Variants in SLC44A5 observed in about 807,000 individuals in gnomAD.
The protein encoded by SLC44A5 is choline transporter-like protein 5.
Under a neutral mutation model 101.8 loss-of-function variants are expected in SLC44A5, and 57 were observed. The ratio of observed to expected loss-of-function variants is 0.56; its 90% CI spans 0.45 to 0.70. The LOEUF is 0.70. Ranked by LOEUF, SLC44A5 falls within the 30% of genes least tolerant of loss-of-function variation. The probability of loss-of-function intolerance (pLI) is 0.00; values close to 1 mark genes in which losing one functional copy is unlikely to be tolerated. For missense variants in SLC44A5, 737 were observed against 853.1 expected, an observed-to-expected ratio of 0.86 and a Z score of 1.70; for synonymous variants, 281 against 290.9, an observed-to-expected ratio of 0.97 and a Z score of 0.35.
At chr1:75,233,943 G>A in intron 12 of SLC44A5, 43 bp downstream of exon 12, 1 of 1,370,286 alleles carries the variant, frequency 7.3e-7, no homozygotes. Flanking sequence ...AAAATAAAAG[G>A]ATTATTCTGA....
At chr1:75,281,450 A>C (rs1029257160) in intron 5 of SLC44A5, among the ~76,000 whole-genome samples, 6 of 152,090 alleles carry the variant, frequency 3.9e-5, no homozygotes, top group Non-Finnish European at 5.9e-5. Context: ...CAGAAAAGAA[A>C]AACCCATTTT....
the SLC44A5 span, among the ~76,000 whole-genome samples, chr1:75,691,572 A>G: frequency 6.6e-6 from 1 of 152,132 alleles, no homozygotes; most frequent in African/African-American, 2.4e-5. Context: ...AAGGGGGAAA[A>G]TCTGAGTAAC....
chr1:75,414,741 G>T (rs1294888028), intron 2 of SLC44A5, among the ~76,000 whole-genome samples: 1 of 152,178 alleles, frequency 6.6e-6, no homozygotes, highest in Non-Finnish European at 1.5e-5. Flanking sequence ...AACAGCACAT[G>T]TGAAGCCTAT....
intron 1 of SLC44A5, among the ~76,000 whole-genome samples, chr1:75,576,543 C>T (rs1377698046): frequency 6.6e-6 from 1 of 152,064 alleles, no homozygotes; most frequent in Non-Finnish European, 1.5e-5. Context: ...TGGTCTCGAT[C>T]TCCTGACCTC....
At chr1:75,605,666 A>G (rs1225790363) in intron 1 of SLC44A5, among the ~76,000 whole-genome samples, 1 of 152,114 alleles carries the variant, frequency 6.6e-6, no homozygotes, top group Non-Finnish European at 1.5e-5. Context: ...GGAAACTACC[A>G]AAAGTTATAA....
At chr1:75,453,456 T>C (rs771864410) in intron 2 of SLC44A5, among the ~76,000 whole-genome samples, 4 of 152,054 alleles carry the variant, frequency 2.6e-5, no homozygotes, top group Non-Finnish European at 4.4e-5. Flanking sequence ...ATTAATAATC[T>C]AACATCACAT....
intron 2 of SLC44A5, among the ~76,000 whole-genome samples, chr1:75,471,650 G>A (rs1194909950): frequency 6.6e-6 from 1 of 151,932 alleles, no homozygotes; most frequent in Non-Finnish European, 1.5e-5. Context: ...TGTGTTCAAA[G>A]TATTTCCTCT....
At chr1:75,490,138 C>A (rs1668355748) in intron 2 of SLC44A5, among the ~76,000 whole-genome samples, 1 of 152,066 alleles carries the variant, frequency 6.6e-6, no homozygotes, top group Admixed American at 6.6e-5. Context: ...ATAATCTATT[C>A]TTCCTATAAA....
intron 6 of SLC44A5, among the ~76,000 whole-genome samples, chr1:75,274,588 C>T (rs1334542020): frequency 6.6e-6 from 1 of 152,234 alleles, no homozygotes; most frequent in African/African-American, 2.4e-5. Flanking sequence ...CAAAAATAAT[C>T]TTAACAATTG....
intron 7 of SLC44A5, among the ~76,000 whole-genome samples, chr1:75,246,034 C>T (rs684117): frequency 0.18 from 27,774 of 152,032 alleles, 3,083 homozygotes; most frequent in African/African-American, 0.3. Context: ...AGACTAAATG[C>T]AAGTCTTCAT....
intron 3 of SLC44A5, among the ~76,000 whole-genome samples, chr1:75,392,347 G>A (rs1047289136): frequency 1.3e-5 from 2 of 151,890 alleles, no homozygotes; most frequent in African/African-American, 4.8e-5. Context: ...ATTAAAAGGT[G>A]GACAAGATAC....
intron 4 of SLC44A5, among the ~76,000 whole-genome samples, chr1:75,304,074 CA>C (rs559548548): frequency 8.9e-5 from 13 of 146,490 alleles, no homozygotes; most frequent in East Asian, 2.0e-4. Context: ...TATAAATATC[CA>C]AAAAAAAAAG....
At chr1:75,705,889 G>A in the SLC44A5 span, among the ~76,000 whole-genome samples, 6 of 152,262 alleles carry the variant, frequency 3.9e-5, no homozygotes, top group Non-Finnish European at 8.8e-5. Context: ...TGATGGCCAG[G>A]CTGGTCTCAA....
chr1:75,706,906 C>T, the SLC44A5 span, among the ~76,000 whole-genome samples: 4,818 of 152,196 alleles, frequency 0.032, 255 homozygotes, highest in African/African-American at 0.11. Flanking sequence ...GCCTCTCACT[C>T]TCCCTCAATT....
chr1:75,547,388 C>T (rs1024220902), intron 1 of SLC44A5, among the ~76,000 whole-genome samples: 3 of 152,112 alleles, frequency 2.0e-5, no homozygotes, highest in Admixed American at 1.3e-4. Flanking sequence ...GCAGAACTCT[C>T]AATGGAAATT....
Position 75,563,680 on chromosome 1 carries a change from G to A in SLC44A5, c.-69-22164C>T, listed in dbSNP as rs211705. ...AAGTCTCCTATAAAAGACAAGCCAAGACCGTGGTCTTGGTATCAAATGTAA... is the reference window on the plus strand; with the variant it reads ...AAGTCTCCTATAAAAGACAAGCCAAAACCGTGGTCTTGGTATCAAATGTAA... On this transcript the variant is annotated intron_variant, in intron 1 of 23. Transcript: ENST00000370859. 6.7e-3 allele frequency among the ~76,000 whole-genome samples: 1,025 copies of A among 152,170 alleles called. 10 individuals are homozygous for A. Among genetic ancestry groups the A allele is most frequent in the African/African-American group, 0.021 (869 of 41,538 alleles).
rs76502162 is a variant in SLC44A5 at position 75,337,138 on chromosome 1, T to A, written c.101+2444A>T. ...GTTACTCAGCCCCTTTTGAAGTTCA[T>A]CCTTGTATTTATCCCTGGATTCTAT... On this transcript the variant is annotated intron_variant, in intron 4 of 23. Coordinates refer to ENST00000370859, the MANE Select transcript of SLC44A5 (RefSeq NM_001130058.2). Among the ~76,000 whole-genome samples the A allele has an allele frequency of 3.0e-4, 45 of 149,356 alleles. 1 individual carries two copies. The East Asian group carries it at 3.3e-3, about 11-fold the overall frequency.
the SLC44A5 span, among the ~76,000 whole-genome samples, chr1:75,714,705 C>G: frequency 1.5e-4 from 23 of 152,176 alleles, no homozygotes; most frequent in Admixed American, 5.2e-4. Context: ...GAGACGGAGT[C>G]TCACTCTGTC....
In SLC44A5 at chr1:75,602,568, G is replaced by C. The variant is rs1675042379; in HGVS notation, c.-70+8472C>G. Among the ~76,000 whole-genome samples, 14 of 152,110 alleles carry C rather than the reference G, an allele frequency of 9.2e-5. No individual in the cohort carries two copies. The South Asian group carries it at 2.9e-3, about 32-fold the overall frequency. On this transcript the variant is annotated intron_variant, in intron 1 of 23. Coordinates refer to ENST00000370859, the MANE Select transcript of SLC44A5 (RefSeq NM_001130058.2). ...TAAACATTTTTTAAAGAGCAATAATGGTCCTCCTTTAGTCACCAATACTCT... is the reference window on the plus strand; with the variant it reads ...TAAACATTTTTTAAAGAGCAATAATCGTCCTCCTTTAGTCACCAATACTCT...
Sources: gnomAD v4.1 joint callset for allele counts (sites outside exome capture counted in the v4.1 genomes callset) on GRCh38, gnomAD v4.1.1 for gene constraint, MANE v1.5 for transcripts, NCBI Gene and HGNC (gene_info 2026-07-23, HGNC 2026-07-21) for gene names.